The following SLC25A47 variants were observed in gnomAD, a reference collection of about 807,000 sequenced individuals.
SLC25A47 encodes solute carrier family 25 member 47.
In SLC25A47, 30 loss-of-function variants were observed where a neutral mutation model predicts 29.8. The observed-to-expected ratio is 1.01, with a 90% CI of 0.75 to 1.36. SLC25A47 has a LOEUF of 1.36. SLC25A47 is among the 40% of genes most tolerant of loss of function. The pLI, the probability that SLC25A47 is intolerant of heterozygous loss-of-function variation, is 0.00. For synonymous variants in SLC25A47, 204 were observed against 197.8 expected, an observed-to-expected ratio of 1.03 and a Z score of -0.26; for missense variants, 430 against 441.9, an observed-to-expected ratio of 0.97 and a Z score of 0.24.
intron 2 of SLC25A47, 27 bp from the exon 3 acceptor site, chr14:100,326,130 C>G (rs139878401): frequency 1.2e-6 from 2 of 1,600,202 alleles, no homozygotes; most frequent in Non-Finnish European, 1.7e-6. Context: ...TGGAGCCGCT[C>G]GTGCCTGAAG....
At chr14:100,324,056 C>T (rs1167562871) in intron 1 of SLC25A47, among the ~76,000 whole-genome samples, 3 of 152,118 alleles carry the variant, frequency 2.0e-5, no homozygotes, top group Non-Finnish European at 4.4e-5. Flanking sequence ...GGGCTCAGCT[C>T]CATCCCGTGG....
At position 100,329,800 on chromosome 14, in the gene SLC25A47, A is replaced by G; in HGVS notation, c.*155A>G. The G allele has an allele frequency of 9.4e-7, 1 of 1,060,252 alleles. No homozygotes were observed. The highest frequency in any genetic ancestry group is 1.6e-5 in the South Asian group (1 of 62,070). The allele number at this position is 1,060,252 out of a possible 1,614,324, so 65.7% of individuals were successfully genotyped here. On this transcript the variant is annotated 3_prime_UTR_variant, in exon 6 of 6. Transcript: ENST00000361529. ...CTGCAGTGTTGTCGGCCGAGGCCTG[A>G]GCTCGCCCTGCCCAGCTACTGACCT... is the stretch of plus-strand genomic sequence containing the variant.
chr14:100,327,100 G>C, intron 3 of SLC25A47, 88 bp from the exon 4 acceptor site: 1 of 1,304,296 alleles, frequency 7.7e-7, no homozygotes. Context: ...GTCCGACAGC[G>C]GAGTGCGGAG....
intron 1 of SLC25A47, among the ~76,000 whole-genome samples, chr14:100,325,503 T>C (rs1893321509): frequency 6.6e-6 from 1 of 152,184 alleles, no homozygotes; most frequent in South Asian, 2.1e-4. Flanking sequence ...CATGTCGGCA[T>C]GTCTTTGGCC....
intron 1 of SLC25A47, among the ~76,000 whole-genome samples, chr14:100,325,147 C>G (rs1450254676): frequency 6.6e-6 from 1 of 152,208 alleles, no homozygotes; most frequent in Non-Finnish European, 1.5e-5. Flanking sequence ...TCTGACTTCC[C>G]TGTGGCAGTG....
chr14:100,325,729 G>A (rs756955567), intron 1 of SLC25A47, 59 bp from the exon 2 acceptor site: 30 of 1,558,686 alleles, frequency 1.9e-5, no homozygotes, highest in Non-Finnish European at 2.5e-5. Context: ...TCCCTGCAAT[G>A]GGGTTGAACT....
chr14:100,327,583 C>T (rs918298320), intron 4 of SLC25A47, among the ~76,000 whole-genome samples: 1 of 152,188 alleles, frequency 6.6e-6, no homozygotes, highest in African/African-American at 2.4e-5. Flanking sequence ...CGCTGCTGTC[C>T]TGCCCAGCAC....
In SLC25A47 at chr14:100,327,327, A is replaced by C; in HGVS notation, c.284A>C (p.Lys95Thr). 6.2e-7 allele frequency: 1 copy of C among 1,602,332 alleles called. No homozygotes were observed. The highest frequency in any genetic ancestry group is 8.5e-7 in the Non-Finnish European group (1 of 1,179,768). The change falls in exon 4 of 6, where the codon AAG (lysine) becomes ACG (threonine). Residue 95 changes from lysine to threonine, a missense_variant. Lys to Thr is a moderately conservative substitution (Grantham distance 78, BLOSUM62 -1). Coordinates refer to ENST00000361529, the MANE Select transcript of SLC25A47 (RefSeq NM_207117.4). ...GGCAACCCTGACGCCAAGCCCACCA[A>C]GGCCGACATCACGCTCTCGGGATGC... is the stretch of plus-strand genomic sequence containing the variant. ...RYGNPDAKPT[K>T]ADITLSGCAS...
rs1010309477 is a variant in SLC25A47, at chr14:100,330,022, C to T, written c.*377C>T. On this transcript the variant is annotated 3_prime_UTR_variant, in exon 6 of 6. Coordinates refer to ENST00000361529, the MANE Select transcript of SLC25A47 (RefSeq NM_207117.4). ...GTGTGTGCTCAGCCACCCTCTGCCC[C>T]ATTCCTAGACCCTCACCCCCACCAC... 3.7e-6 allele frequency: 1 copy of T among 269,964 alleles called. No individual in the cohort carries two copies. Among genetic ancestry groups the T allele is most frequent in the Non-Finnish European group, 7.2e-6 (1 of 139,530 alleles). The allele number at this position is 269,964 out of a possible 1,614,324, so 16.7% of individuals were successfully genotyped here. A position where few individuals can be genotyped will look rare whatever the true frequency, so the allele number is the denominator to read the frequency against.
chr14:100,325,184 AC>A (rs1458422303), intron 1 of SLC25A47, among the ~76,000 whole-genome samples: 10 of 151,994 alleles, frequency 6.6e-5, no homozygotes, highest in Admixed American at 6.6e-4. Context: ...GAGGCCTGGC[AC>A]CCGAGGCCTC....
At chr14:100,326,346 T>C (rs1893340667) in intron 3 of SLC25A47, 118 bp downstream of exon 3, 1 of 878,432 alleles carries the variant, frequency 1.1e-6, no homozygotes, top group Non-Finnish European at 1.8e-6. Flanking sequence ...ACCTTCCACA[T>C]GGGAATAGTT....
At position 100,329,018 on chromosome 14, in the gene SLC25A47, T is replaced by C; in HGVS notation, c.620T>C (p.Leu207Pro). ...FLSYAVLCEWLSPAGHSRPDV... is the reference protein window; with the variant it reads ...FLSYAVLCEWPSPAGHSRPDV... The stretch of plus-strand genomic sequence containing the variant: ...TCCTACGCGGTCCTCTGCGAGTGGC[T>C]CAGCCCCGCTGGCCACAGCCGGCCA... Residue 207 changes from leucine (L) to proline (P), a missense_variant, in exon 5 of 6, where the codon CTC becomes CCC. Transcript: ENST00000361529. 1 of 1,599,622 alleles carries C rather than the reference T, an allele frequency of 6.3e-7. No homozygotes were observed.
Position 100,329,856 on chromosome 14 carries a change from G to A in SLC25A47, c.*211G>A. ...CGAGGGGCCCGCCAGCCATCAGCCAGGGTTGGCCTAGGGTGGCAGGAGCCA... is the reference window on the plus strand; with the variant it reads ...CGAGGGGCCCGCCAGCCATCAGCCAAGGTTGGCCTAGGGTGGCAGGAGCCA... On this transcript the variant is annotated 3_prime_UTR_variant, in exon 6 of 6. Coordinates refer to ENST00000361529, the MANE Select transcript of SLC25A47 (RefSeq NM_207117.4). The A allele has an allele frequency of 1.5e-6, 1 of 687,846 alleles. No individual in the cohort carries two copies. The highest frequency in any genetic ancestry group is 1.9e-5 in the South Asian group (1 of 51,344). The allele number at this position is 687,846 out of a possible 1,614,324, so 42.6% of individuals were successfully genotyped here.
chr14:100,328,761 C>T lies in SLC25A47; in HGVS notation c.363C>T (p.Val121=), dbSNP rs559167283. The change falls in exon 5 of 6, where the codon GTC becomes GTT. Residue 121 remains valine (V), a synonymous_variant. Transcript: ENST00000361529. ...CGTCGCCCACTGAGGTGGCCAAAGT[C>T]CGCTTGCAGACGCAGACACAGGCGC... is the stretch of plus-strand genomic sequence containing the variant. ...FLTSPTEVAK[V]RLQTQTQAQK... is the part of the protein sequence containing the mutation. The T allele has an allele frequency of 1.9e-6, 3 of 1,613,012 alleles. No homozygotes were observed. The highest frequency in any genetic ancestry group is 3.3e-5 in the Admixed American group (2 of 60,032).
rs1388290974 is a variant in SLC25A47 at position 100,327,387 on chromosome 14, A to G, written c.327+17A>G. ...CTCGTCCGCGTGAGTAGGGGCAGCC[A>G]GGGTGGGGAAGGCCCAAGAGAGACT... is the stretch of plus-strand genomic sequence containing the variant. On this transcript the variant is annotated intron_variant, in intron 4 of 5. Coordinates refer to ENST00000361529, the MANE Select transcript of SLC25A47 (RefSeq NM_207117.4). 1 of 1,577,038 alleles carries G rather than the reference A, an allele frequency of 6.3e-7. No individual in the cohort carries two copies. Among genetic ancestry groups the G allele is most frequent in the Non-Finnish European group, 8.6e-7 (1 of 1,167,740 alleles).
Position 100,329,674 on chromosome 14 carries a change from C to T in SLC25A47, c.*29C>T, listed in dbSNP as rs1893415259. The T allele has an allele frequency of 6.3e-7, 1 of 1,586,010 alleles. No homozygotes were observed. Among genetic ancestry groups the T allele is most frequent in the Non-Finnish European group, 8.6e-7 (1 of 1,165,420 alleles). On this transcript the variant is annotated 3_prime_UTR_variant, in exon 6 of 6. Transcript: ENST00000361529. ...GTCCCCACGCCCAGCGGCCCACCCACCAGCAGCTGCTGGAGGTCGTAGTGG... is the reference window on the plus strand; with the variant it reads ...GTCCCCACGCCCAGCGGCCCACCCATCAGCAGCTGCTGGAGGTCGTAGTGG...
At chr14:100,325,476 C>T (rs938630262) in intron 1 of SLC25A47, among the ~76,000 whole-genome samples, 1 of 152,210 alleles carries the variant, frequency 6.6e-6, no homozygotes, top group Non-Finnish European at 1.5e-5. Flanking sequence ...AGCATGACGC[C>T]CGTGGGGAGG....
rs775238474 is a variant in SLC25A47 at position 100,329,571 on chromosome 14, G to A, written c.853G>A (p.Ala285Thr). 68 of 1,613,534 alleles carry A rather than the reference G, an allele frequency of 4.2e-5. No individual in the cohort carries two copies. The highest frequency in any genetic ancestry group is 8.3e-5 in the Admixed American group (5 of 60,006). The change falls in exon 6 of 6, where the codon GCC becomes ACC. Residue 285 changes from alanine (A) to threonine (T), a missense_variant. By Grantham distance (58) the Ala-to-Thr change is moderately conservative (BLOSUM62 0). Transcript: ENST00000361529. ...GGGGCTGGTACTCAATTGCTGCCGC[G>A]CCTTCCCTGTCAACATGGTGGTCTT... ...FKGLVLNCCR[A>T]FPVNMVVFVA...
chr14:100,325,705 G>A (rs976385033), intron 1 of SLC25A47, 83 bp from the exon 2 acceptor site: 41 of 1,445,276 alleles, frequency 2.8e-5, no homozygotes, highest in African/African-American at 1.1e-4. Flanking sequence ...GTCAGCGTGC[G>A]CTCTGCTTCT....
Sources: gnomAD v4.1 joint callset for allele counts (sites outside exome capture counted in the v4.1 genomes callset) on GRCh38, gnomAD v4.1.1 for gene constraint, MANE v1.5 for transcripts, NCBI Gene and HGNC (gene_info 2026-07-23, HGNC 2026-07-21) for gene names.